The following SHROOM3 variants were observed in gnomAD, a reference collection of about 807,000 sequenced individuals.
The protein encoded by SHROOM3 is protein Shroom3.
In SHROOM3, 47 loss-of-function variants were observed where a neutral mutation model predicts 138.6. That is an observed-to-expected ratio of 0.34 (90% confidence interval 0.27 to 0.43). The LOEUF is 0.43. SHROOM3 is among the 20% of genes least tolerant of loss of function. The pLI is 1.00. For synonymous variants in SHROOM3, 1,062 were observed against 1,063.3 expected (o/e 1.00, Z 0.02); for missense variants, 2,491 against 2,596.5 (o/e 0.96, Z 0.88).
At chr4:76,599,977 T>G (rs1366342795) in intron 2 of SHROOM3, among the ~76,000 whole-genome samples, 1 of 149,244 alleles carries the variant, frequency 6.7e-6, no homozygotes, top group Non-Finnish European at 1.5e-5. Context: ...GGACCCTATT[T>G]CTAAAAAAAC....
At chr4:76,775,461 T>C (rs376125468) in intron 10 of SHROOM3, among the ~76,000 whole-genome samples, 5 of 152,046 alleles carry the variant, frequency 3.3e-5, no homozygotes, top group African/African-American at 9.7e-5. Flanking sequence ...TGTAAACTAG[T>C]ACAACCACTA....
At chr4:76,665,376 G>GGGGCACCTTAATACC (rs1258453071) in intron 2 of SHROOM3, among the ~76,000 whole-genome samples, 1 of 152,136 alleles carries the variant, frequency 6.6e-6, no homozygotes, top group Non-Finnish European at 1.5e-5. Flanking sequence ...AATACCAGTT[G>GGGGCACCTTAATACC]AGGGTGGGGC....
chr4:76,740,992 C>T lies in SHROOM3; in HGVS notation c.2819C>T (p.Ser940Phe), dbSNP rs780952251. ...DAQSRVLGATSFRRRDLELGA... is the reference protein window; with the variant it reads ...DAQSRVLGATFFRRRDLELGA... ...CAGTCCCGTGTCTTGGGGGCCACCT[C>T]CTTTCGACGTCGAGACCTGGAGCTG... Residue 940 changes from serine to phenylalanine, a missense_variant, in exon 5 of 11, where the codon TCC becomes TTC. Around this residue, in one of 4 missense-constraint regions of SHROOM3, gnomAD observed 1,733 missense variants for 1,661.6 expected, o/e 1.04. Coordinates refer to ENST00000296043, the MANE Select transcript of SHROOM3 (RefSeq NM_020859.4). This position sits in a 1 kb window ranked among gnomAD's most constrained non-coding sequence, Gnocchi z 4.0. The T allele has an allele frequency of 2.7e-6, 4 of 1,490,970 alleles. No homozygotes were observed. Among genetic ancestry groups the T allele is most frequent in the Non-Finnish European group, 3.6e-6 (4 of 1,124,524 alleles). The allele number at this position is 1,490,970 out of a possible 1,614,324, so 92.4% of individuals were successfully genotyped here. A position where few individuals can be genotyped will look rare whatever the true frequency, so the allele number is the denominator to read the frequency against.
At chr4:76,637,228 A>G (rs1487352593) in intron 2 of SHROOM3, among the ~76,000 whole-genome samples, 5 of 152,328 alleles carry the variant, frequency 3.3e-5, no homozygotes, top group South Asian at 2.1e-4. Context: ...AAGAAAGAAA[A>G]TATCAGTGCT....
At chr4:76,448,531 A>G (rs1413979259) in intron 1 of SHROOM3, among the ~76,000 whole-genome samples, 7 of 152,116 alleles carry the variant, frequency 4.6e-5, no homozygotes, top group Admixed American at 3.3e-4. Flanking sequence ...TAGTTCTTTC[A>G]TCTCTCAGAT....
Position 76,667,966 on chromosome 4 carries a change from C to CAAAAAAAAAA in SHROOM3, c.324-42173_324-42164dup, listed in dbSNP as rs747974205. ...TGGGCGACAGAAGGAGACTCCCTCT[C>CAAAAAAAAAA]AAAAAAAAAAAAAAAAAAAAAAAAA... is the stretch of plus-strand genomic sequence containing the variant. On this transcript the variant is annotated intron_variant, in intron 2 of 10. Transcript: ENST00000296043. Among the ~76,000 whole-genome samples the CAAAAAAAAAA allele has an allele frequency of 1.6e-3, 100 of 62,548 alleles. 9 individuals carry two copies. The highest frequency in any genetic ancestry group is 4.9e-3 in the African/African-American group (76 of 15,466). The allele number at this position is 62,548 out of a possible 152,430, so 41.0% of individuals were successfully genotyped here.
intron 1 of SHROOM3, among the ~76,000 whole-genome samples, chr4:76,490,059 A>G (rs1731818093): frequency 6.6e-6 from 1 of 152,184 alleles, no homozygotes; most frequent in African/African-American, 2.4e-5. Context: ...TGCTCACTTC[A>G]TGTAAATGAA....
chr4:76,457,482 T>G (rs1438793636), intron 1 of SHROOM3, among the ~76,000 whole-genome samples: 1 of 151,582 alleles, frequency 6.6e-6, no homozygotes, highest in Non-Finnish European at 1.5e-5. Flanking sequence ...CAACTAAACC[T>G]CTTTTCTTTA....
intron 1 of SHROOM3, among the ~76,000 whole-genome samples, chr4:76,507,951 T>A (rs531525919): frequency 1.2e-3 from 187 of 152,356 alleles, no homozygotes; most frequent in Non-Finnish European, 2.3e-3. Context: ...CTAAGACTTG[T>A]ATTGTAGATG....
intron 1 of SHROOM3, among the ~76,000 whole-genome samples, chr4:76,455,159 A>G (rs999229852): frequency 8.5e-5 from 13 of 152,132 alleles, no homozygotes; most frequent in African/African-American, 2.9e-4. Context: ...TGCTCTGACT[A>G]GAACTTTCAG....
chr4:76,469,034 C>CAA (rs530021753), intron 1 of SHROOM3, among the ~76,000 whole-genome samples: 5 of 87,394 alleles, frequency 5.7e-5, no homozygotes, highest in Admixed American at 1.2e-4. Flanking sequence ...ATTCCATCTC[C>CAA]AAAAAAAAAA....
intron 1 of SHROOM3, among the ~76,000 whole-genome samples, chr4:76,483,743 C>T (rs1436954386): frequency 6.6e-6 from 1 of 152,136 alleles, no homozygotes; most frequent in Non-Finnish European, 1.5e-5. Context: ...GGAACTGACT[C>T]AAATACCCAT....
chr4:76,731,922 A>G (rs1292356846), intron 4 of SHROOM3, among the ~76,000 whole-genome samples: 1 of 152,210 alleles, frequency 6.6e-6, no homozygotes, highest in Non-Finnish European at 1.5e-5. Context: ...AGTAGGTTAT[A>G]CTTCCTCTGC....
chr4:76,616,185 G>A (rs556540676), intron 2 of SHROOM3, among the ~76,000 whole-genome samples: 1 of 152,302 alleles, frequency 6.6e-6, no homozygotes, highest in East Asian at 1.9e-4. Context: ...ACGGGGGTTA[G>A]GTAAGACGAA....
chr4:76,745,723 G>A (rs563419667), intron 5 of SHROOM3, among the ~76,000 whole-genome samples: 1 of 152,336 alleles, frequency 6.6e-6, no homozygotes, highest in Middle Eastern at 3.4e-3. Context: ...GTGCACACCT[G>A]TAATCCCAGC....
chr4:76,601,094 A>G (rs1417561465), intron 2 of SHROOM3, among the ~76,000 whole-genome samples: 1 of 152,242 alleles, frequency 6.6e-6, no homozygotes, highest in Non-Finnish European at 1.5e-5. Context: ...AAGGAAGATA[A>G]GTTTTCAGAG....
At chr4:76,561,879 C>T (rs913268162) in intron 2 of SHROOM3, among the ~76,000 whole-genome samples, 1 of 151,796 alleles carries the variant, frequency 6.6e-6, no homozygotes, top group East Asian at 1.9e-4. Context: ...GGAGAGGTGG[C>T]GTGCCCCTGT....
intron 2 of SHROOM3, among the ~76,000 whole-genome samples, chr4:76,663,784 G>A (rs1718609728): frequency 6.6e-6 from 1 of 152,172 alleles, no homozygotes; most frequent in Admixed American, 6.5e-5. Flanking sequence ...TGAAAAGTTG[G>A]GAACTCAGGT....
chr4:76,489,711 G>C (rs564853783), intron 1 of SHROOM3, among the ~76,000 whole-genome samples: 4 of 152,106 alleles, frequency 2.6e-5, no homozygotes, highest in Admixed American at 2.6e-4. Flanking sequence ...GCCAAGAATG[G>C]TGCTACACTT....
Sources: gnomAD v4.1 joint callset for allele counts (sites outside exome capture counted in the v4.1 genomes callset) on GRCh38, gnomAD v4.1.1 for gene constraint, gnomAD v4.1.1 regional missense constraint, Gnocchi (gnomAD v3.1) non-coding constraint, MANE v1.5 for transcripts, NCBI Gene and HGNC (gene_info 2026-07-23, HGNC 2026-07-21) for gene names.